The following IGF1R variants were observed in gnomAD, a reference collection of about 807,000 sequenced individuals.
IGF1R encodes insulin-like growth factor 1 receptor.
Under a neutral mutation model 144.6 loss-of-function variants are expected in IGF1R, and 44 were observed. That is an observed-to-expected ratio of 0.30 (90% confidence interval 0.24 to 0.39). The LOEUF is 0.39. Among genes scored for constraint, IGF1R ranks in the 10% least tolerant of loss-of-function variants. The probability of loss-of-function intolerance (pLI) is 1.00; values close to 1 mark genes in which losing one functional copy is unlikely to be tolerated. For missense variants in IGF1R, 1,355 were observed against 1,833.7 expected (o/e 0.74, Z 4.77); for synonymous variants, 795 against 722.8 (o/e 1.10, Z -1.60).
chr15:98,843,102 G>T (rs2011204171), intron 2 of IGF1R, among the ~76,000 whole-genome samples: 1 of 152,198 alleles, frequency 6.6e-6, no homozygotes, highest in Non-Finnish European at 1.5e-5. Flanking sequence ...TCACCGGCAT[G>T]TGTGTCCTTG....
intron 2 of IGF1R, among the ~76,000 whole-genome samples, chr15:98,874,279 A>G (rs2012937766): frequency 6.6e-6 from 1 of 152,156 alleles, no homozygotes; most frequent in African/African-American, 2.4e-5. Flanking sequence ...AGATAGGAGT[A>G]AGGAGAGTGC....
chr15:98,874,631 T>C (rs992044222), intron 2 of IGF1R, among the ~76,000 whole-genome samples: 1 of 152,242 alleles, frequency 6.6e-6, no homozygotes, highest in East Asian at 1.9e-4. Context: ...TTTGGTTCTC[T>C]GGTCTTCACT....
At chr15:98,865,318 C>T (rs773956938) in intron 2 of IGF1R, among the ~76,000 whole-genome samples, 31 of 152,184 alleles carry the variant, frequency 2.0e-4, no homozygotes, top group Admixed American at 3.3e-4. Flanking sequence ...AAAGGATATC[C>T]CAAAGGATAT....
intron 1 of IGF1R, among the ~76,000 whole-genome samples, chr15:98,654,313 C>T (rs1374234611): frequency 6.6e-6 from 1 of 152,098 alleles, no homozygotes; most frequent in African/African-American, 2.4e-5. Context: ...TTACAAACTG[C>T]AGTGTTGTAG....
At chr15:98,931,050 C>A (rs115497858) in intron 15 of IGF1R, among the ~76,000 whole-genome samples, 1 of 152,094 alleles carries the variant, frequency 6.6e-6, no homozygotes, top group Non-Finnish European at 1.5e-5. Context: ...TTTCTTAAAC[C>A]CCTGCAATGT....
chr15:98,698,839 A>AC (rs2053658637), intron 1 of IGF1R, among the ~76,000 whole-genome samples: 1 of 152,254 alleles, frequency 6.6e-6, no homozygotes, highest in African/African-American at 2.4e-5. Flanking sequence ...GGGTAGGGGA[A>AC]CAGATGAGTG....
rs1394614933 is a variant in IGF1R, at chr15:98,935,153, G to A, written c.3186+100G>A. On this transcript the variant is annotated intron_variant, in intron 16 of 20. Transcript: ENST00000650285. The surrounding 1 kb of genome is among the most constrained non-coding windows in gnomAD (Gnocchi z 4.2). ...GGCTGCATGTACCCGTGGGTTTGGTGTCTTGCCTTTGCCTTCTGGATAGTT... is the reference window on the plus strand; with the variant it reads ...GGCTGCATGTACCCGTGGGTTTGGTATCTTGCCTTTGCCTTCTGGATAGTT... 3 of 1,112,738 alleles carry A rather than the reference G, an allele frequency of 2.7e-6. No individual in the cohort carries two copies. Among genetic ancestry groups the A allele is most frequent in the Non-Finnish European group, 4.0e-6 (3 of 741,466 alleles). The allele number at this position is 1,112,738 out of a possible 1,614,324, so 68.9% of individuals were successfully genotyped here. A position where few individuals can be genotyped will look rare whatever the true frequency, so the allele number is the denominator to read the frequency against.
chr15:98,745,950 A>G (rs74395328), intron 2 of IGF1R, among the ~76,000 whole-genome samples: 4,168 of 152,334 alleles, frequency 0.027, 75 homozygotes, highest in East Asian at 0.053. Context: ...TGTTTTTGAT[A>G]GTAATACGTT....
At chr15:98,811,504 T>C (rs2141457889) in intron 2 of IGF1R, among the ~76,000 whole-genome samples, 1 of 144,620 alleles carries the variant, frequency 6.9e-6, no homozygotes, top group South Asian at 2.2e-4. Context: ...CACTCCAGCC[T>C]GGGTGACAGA....
At chr15:98,927,868 T>C (rs2015782820) in intron 13 of IGF1R, among the ~76,000 whole-genome samples, 1 of 152,220 alleles carries the variant, frequency 6.6e-6, no homozygotes, top group Non-Finnish European at 1.5e-5. Context: ...TCCCCAGTGA[T>C]TCCAGGCCCA....
chr15:98,948,478 T>G, intron 19 of IGF1R, 96 bp from the exon 20 acceptor site: 1 of 1,340,860 alleles, frequency 7.5e-7, no homozygotes, highest in Non-Finnish European at 1.1e-6. Context: ...TAAGGACAGT[T>G]TATCTGCTCG....
intron 1 of IGF1R, among the ~76,000 whole-genome samples, chr15:98,696,957 A>G (rs533416623): frequency 6.6e-6 from 1 of 152,286 alleles, no homozygotes; most frequent in East Asian, 1.9e-4. Flanking sequence ...GAAGTCAGGG[A>G]TGCGGATTGT....
intron 10 of IGF1R, among the ~76,000 whole-genome samples, chr15:98,919,263 G>T (rs2015385293): frequency 6.6e-6 from 1 of 152,176 alleles, no homozygotes; most frequent in Admixed American, 6.5e-5. Flanking sequence ...TAGACCAGCA[G>T]AGGCTTAGCT....
At chr15:98,715,625 G>C (rs1175497203) in intron 2 of IGF1R, among the ~76,000 whole-genome samples, 1 of 152,164 alleles carries the variant, frequency 6.6e-6, no homozygotes, top group Non-Finnish European at 1.5e-5. Context: ...GGTTAATCTT[G>C]TCCTGAATTG....
intron 1 of IGF1R, among the ~76,000 whole-genome samples, chr15:98,653,894 C>T (rs566198373): frequency 1.3e-5 from 2 of 152,192 alleles, no homozygotes; most frequent in South Asian, 2.1e-4. Flanking sequence ...CCTTTTAAAT[C>T]TGGTTTCATT....
intron 2 of IGF1R, among the ~76,000 whole-genome samples, chr15:98,781,322 G>A (rs2055856263): frequency 6.6e-6 from 1 of 152,068 alleles, no homozygotes; most frequent in Non-Finnish European, 1.5e-5. Context: ...TTTAAAATTG[G>A]GGGCAAAAAA....
At chr15:98,754,654 A>G (rs1363242241) in intron 2 of IGF1R, among the ~76,000 whole-genome samples, 1 of 152,112 alleles carries the variant, frequency 6.6e-6, no homozygotes, top group Non-Finnish European at 1.5e-5. Flanking sequence ...ACAGGGAGGG[A>G]AGTTTTGGTT....
chr15:98,895,414 AT>A (rs5814910), intron 3 of IGF1R, among the ~76,000 whole-genome samples: 34,746 of 150,922 alleles, frequency 0.23, 4,346 homozygotes, highest in East Asian at 0.42. Context: ...TTAAAATAAA[AT>A]TTTTTTTTTT....
rs60796484 is a variant in IGF1R, at chr15:98,772,510, A to ATTATTATTATTAG, written c.640+64408_640+64409insATTATTAGTTATT. On this transcript the variant is annotated intron_variant, in intron 2 of 20. Coordinates refer to ENST00000650285, the MANE Select transcript of IGF1R (RefSeq NM_000875.5). ...TATTATTATTATTATTATTATTATT[A>ATTATTATTATTAG]TTATTTTAAGAATTAGGTCTCTGTT... is the stretch of plus-strand genomic sequence containing the variant. Among the ~76,000 whole-genome samples the ATTATTATTATTAG allele has an allele frequency of 2.8e-5, 4 of 141,948 alleles. No individual in the cohort carries two copies. In the East Asian group the frequency reaches 8.1e-4, roughly 29 times the overall value. The allele number at this position is 141,948 out of a possible 152,430, so 93.1% of individuals were successfully genotyped here. A position where few individuals can be genotyped will look rare whatever the true frequency, so the allele number is the denominator to read the frequency against.
Sources: gnomAD v4.1 joint callset for allele counts (sites outside exome capture counted in the v4.1 genomes callset) on GRCh38, gnomAD v4.1.1 for gene constraint, Gnocchi (gnomAD v3.1) non-coding constraint, MANE v1.5 for transcripts, NCBI Gene and HGNC (gene_info 2026-07-23, HGNC 2026-07-21) for gene names.